FAT4: variants seen among roughly 807,000 people sequenced by gnomAD.
FAT4 encodes FAT atypical cadherin 4.
A neutral mutation model predicts 303.9 loss-of-function variants in FAT4; 84 were observed. The ratio of observed to expected loss-of-function variants is 0.28; its 90% CI spans 0.23 to 0.33. The LOEUF is 0.33. FAT4 is among the 10% of genes least tolerant of loss of function. FAT4 has a pLI of 1.00. For missense variants in FAT4, 6,005 were observed against 6,146.8 expected (o/e 0.98, Z 0.77); for synonymous variants, 2,307 against 2,298.8 (o/e 1.00, Z -0.10).
intron 2 of FAT4, among the ~76,000 whole-genome samples, chr4:125,373,942 A>T (rs1578571725): frequency 2.0e-5 from 3 of 152,352 alleles, no homozygotes; most frequent in Admixed American, 2.0e-4. Context: ...TGTATATATG[A>T]TTTCAGACGA....
In FAT4 at chr4:125,404,506, G is replaced by T. The variant is rs146164189; in HGVS notation, c.5308-2374G>T. On this transcript the variant is annotated intron_variant, in intron 3 of 17. Coordinates refer to ENST00000394329, the MANE Select transcript of FAT4 (RefSeq NM_001291303.3). ...AACACACTGTTCAACAGTAAGCCAAGTCCATGAATAGTGAATGACTGTAAA... is the reference window on the plus strand; with the variant it reads ...AACACACTGTTCAACAGTAAGCCAATTCCATGAATAGTGAATGACTGTAAA... Among the ~76,000 whole-genome samples the T allele has an allele frequency of 4.3e-3, 653 of 152,216 alleles. 1 individual carries two copies. Among genetic ancestry groups the T allele is most frequent in the Non-Finnish European group, 6.9e-3 (472 of 68,010 alleles).
At chr4:125,373,123 T>C (rs1388917661) in intron 2 of FAT4, among the ~76,000 whole-genome samples, 1 of 152,182 alleles carries the variant, frequency 6.6e-6, no homozygotes, top group Non-Finnish European at 1.5e-5. Flanking sequence ...ATCATTGAAC[T>C]CCTTTCTTTC....
In FAT4 at chr4:125,487,349, A is replaced by G; in HGVS notation, c.12827A>G (p.Lys4276Arg). ...ESSNYTTVKI[K>R]NGKVYFTSDA... ...TATTTTTAATATGTTTTACAGATTAAGAATGGCAAAGTATATTTTACATCC... is the reference window on the plus strand; with the variant it reads ...TATTTTTAATATGTTTTACAGATTAGGAATGGCAAAGTATATTTTACATCC... The change falls in exon 17 of 18, where the codon AAG (lysine) becomes AGG (arginine). Residue 4276 changes from lysine (K) to arginine (R), a missense_variant. Transcript: ENST00000394329. 6.2e-7 allele frequency: 1 copy of G among 1,610,190 alleles called. No individual in the cohort carries two copies. Among genetic ancestry groups the G allele is most frequent in the South Asian group, 1.1e-5 (1 of 90,818 alleles).
chr4:125,362,403 T>C (rs1368180562), intron 2 of FAT4, among the ~76,000 whole-genome samples: 4 of 152,128 alleles, frequency 2.6e-5, no homozygotes, highest in Non-Finnish European at 5.9e-5. Context: ...GTTGAAATTA[T>C]AGGTAGAGCT....
At position 125,481,714 on chromosome 4, in the gene FAT4, A is replaced by G. The variant is rs1351386159; in HGVS notation, c.12798A>G (p.Glu4266=). 6.2e-7 allele frequency: 1 copy of G among 1,614,022 alleles called. No homozygotes were observed. The highest frequency in any genetic ancestry group is 8.5e-7 in the Non-Finnish European group (1 of 1,179,884). ...ATGGCGTTTTAATCCATATCCAAGA[A>G]AGCAGCAATTACACTACTGTGAAGG... ...SENGVLIHIQ[E]SSNYTTVKIK... is the part of the protein sequence containing the mutation. The change falls in exon 16 of 18, where the codon GAA becomes GAG. Residue 4266 remains glutamate, a synonymous_variant. Coordinates refer to ENST00000394329, the MANE Select transcript of FAT4 (RefSeq NM_001291303.3).
chr4:125,435,639 G>A (rs2126045240), intron 8 of FAT4, among the ~76,000 whole-genome samples: 1 of 152,286 alleles, frequency 6.6e-6, no homozygotes, highest in African/African-American at 2.4e-5. Flanking sequence ...GCTATGGAAT[G>A]GAATTAATCT....
chr4:125,372,248 G>A (rs994569421), intron 2 of FAT4, among the ~76,000 whole-genome samples: 3 of 151,870 alleles, frequency 2.0e-5, no homozygotes, highest in African/African-American at 7.3e-5. Context: ...TGCAGTTCCA[G>A]CTAATCAGGA....
intron 3 of FAT4, among the ~76,000 whole-genome samples, chr4:125,400,570 C>T (rs566295917): frequency 1.3e-5 from 2 of 151,996 alleles, no homozygotes; most frequent in South Asian, 4.2e-4. Flanking sequence ...ACTTGCATTG[C>T]CTCCAAGTTC....
At chr4:125,436,386 T>C (rs1266833363) in intron 8 of FAT4, among the ~76,000 whole-genome samples, 3 of 152,162 alleles carry the variant, frequency 2.0e-5, no homozygotes, top group Non-Finnish European at 4.4e-5. Flanking sequence ...TGACTGTTAC[T>C]CATTCATTTA....
At position 125,490,586 on chromosome 4, in the gene FAT4, C is replaced by T. The variant is rs1727591980; in HGVS notation, c.13770C>T (p.Asn4590=). Residue 4590 remains asparagine, a synonymous_variant, in exon 18 of 18, where the codon AAC becomes AAT. Transcript: ENST00000394329. The stretch of plus-strand genomic sequence containing the variant: ...AACCAGATATCATTGAAAGGGAAAA[C>T]CCCTACCTTATCTATGATGAAACTG... ...NPKPDIIERE[N]PYLIYDETDI... is the part of the protein sequence containing the mutation. 5.0e-6 allele frequency: 8 copies of T among 1,614,090 alleles called. No homozygotes were observed. The highest frequency in any genetic ancestry group is 6.8e-6 in the Non-Finnish European group (8 of 1,180,020).
chr4:125,316,584 G>A lies in FAT4; in HGVS notation c.173G>A (p.Gly58Asp). 1 of 1,613,974 alleles carries A rather than the reference G, an allele frequency of 6.2e-7. No individual in the cohort carries two copies. The highest frequency in any genetic ancestry group is 1.1e-5 in the South Asian group (1 of 91,082). Residue 58 changes from glycine (G) to aspartate (D), a missense_variant, in exon 2 of 18, where the codon GGC (glycine) becomes GAC (aspartate). Transcript: ENST00000394329. The surrounding 1 kb of genome is among the most constrained non-coding windows in gnomAD (Gnocchi z 5.7). ...CAAGTGCTGGAAGAGCAACCTCCAG[G>A]CACTCTGGTAGGCACCATCCAGACG... ...VFQVLEEQPP[G>D]TLVGTIQTRP...
At chr4:125,454,377 CAT>C (rs1726205621) in intron 10 of FAT4, among the ~76,000 whole-genome samples, 1 of 152,246 alleles carries the variant, frequency 6.6e-6, no homozygotes, top group African/African-American at 2.4e-5. Context: ...TGGCAGAAAA[CAT>C]GTGTAATAGA....
chr4:125,446,432 C>A lies in FAT4; in HGVS notation c.7339C>A (p.Pro2447Thr). ...CTGCAGTGATGCGGGATCCCCAGAG[C>A]CTCTTTCCAGTTCCACCAGTGTGCT... ...VVCSDAGSPEPLSSSTSVLVT... is the reference protein window; with the variant it reads ...VVCSDAGSPETLSSSTSVLVT... The change falls in exon 9 of 18, where the codon CCT becomes ACT. Residue 2447 changes from proline to threonine, a missense_variant. Pro to Thr is a conservative substitution (Grantham distance 38). Coordinates refer to ENST00000394329, the MANE Select transcript of FAT4 (RefSeq NM_001291303.3). 6.2e-7 allele frequency: 1 copy of A among 1,613,510 alleles called. No homozygotes were observed. Among genetic ancestry groups the A allele is most frequent in the Non-Finnish European group, 8.5e-7 (1 of 1,179,604 alleles).
Position 125,408,596 on chromosome 4 carries a change from G to C in FAT4, c.5722G>C (p.Val1908Leu). Reference sequence around the variant, plus strand: ...TTTGACTCGATTATTAGATTATGAAGTACAGCAATATTATATCCTCACTGT... The same window carrying C: ...TTTGACTCGATTATTAGATTATGAACTACAGCAATATTATATCCTCACTGT... ...FNLTRLLDYE[V>L]QQYYILTVRA... Residue 1908 changes from valine (V) to leucine (L), a missense_variant, in exon 5 of 18, where the codon GTA becomes CTA. Coordinates refer to ENST00000394329, the MANE Select transcript of FAT4 (RefSeq NM_001291303.3). 2 of 1,612,882 alleles carry C rather than the reference G, an allele frequency of 1.2e-6. No homozygotes were observed. Among genetic ancestry groups the C allele is most frequent in the Middle Eastern group, 1.7e-4 (1 of 6,052 alleles).
chr4:125,414,922 G>C lies in FAT4; in HGVS notation c.5959G>C (p.Asp1987His). 1.2e-6 allele frequency: 2 copies of C among 1,609,684 alleles called. No individual in the cohort carries two copies. The highest frequency in any genetic ancestry group is 1.7e-6 in the Non-Finnish European group (2 of 1,176,522). ...ATTGACTTATAGCATTGCTTCAGGT[G>C]ATAGCCTTGGGCAGTTTACTGTTGA... is the stretch of plus-strand genomic sequence containing the variant. ...SQLTYSIASG[D>H]SLGQFTVDKN... Residue 1987 changes from aspartate (D) to histidine (H), a missense_variant, in exon 6 of 18, where the codon GAT (aspartate) becomes CAT (histidine). By Grantham distance (81) the Asp-to-His change is moderately conservative. Coordinates refer to ENST00000394329, the MANE Select transcript of FAT4 (RefSeq NM_001291303.3).
At position 125,366,803 on chromosome 4, in the gene FAT4, G is replaced by C. The variant is rs182132429; in HGVS notation, c.5176-31981G>C. ...TTAGTAATAGCCATTCTGCTTGTAT[G>C]AGATGGTATCTCATTGTGGTTTTGA... On this transcript the variant is annotated intron_variant, in intron 2 of 17. Transcript: ENST00000394329. Among the ~76,000 whole-genome samples the C allele has an allele frequency of 2.7e-3, 405 of 152,032 alleles. 2 individuals carry two copies. The highest frequency in any genetic ancestry group is 4.9e-3 in the Non-Finnish European group (330 of 67,980).
chr4:125,320,119 T>G lies in FAT4; in HGVS notation c.3708T>G (p.Asp1236Glu), dbSNP rs1223564463. 1 of 1,614,056 alleles carries G rather than the reference T, an allele frequency of 6.2e-7. No homozygotes were observed. Among genetic ancestry groups the G allele is most frequent in the Non-Finnish European group, 8.5e-7 (1 of 1,179,968 alleles). The change falls in exon 2 of 18, where the codon GAT (aspartate) becomes GAG (glutamate). Residue 1236 changes from aspartate (D) to glutamate (E), a missense_variant. Physicochemically the swap from Asp to Glu is conservative, Grantham distance 45. Coordinates refer to ENST00000394329, the MANE Select transcript of FAT4 (RefSeq NM_001291303.3). Reference sequence around the variant, plus strand: ...AAGTGTTAAGAGTATCTGCCTCAGATGTTGATGAAGGTAATAATGGACTTA... The same window carrying G: ...AAGTGTTAAGAGTATCTGCCTCAGAGGTTGATGAAGGTAATAATGGACTTA... ...LTQVLRVSAS[D>E]VDEGNNGLIH...
At position 125,452,770 on chromosome 4, in the gene FAT4, T is replaced by C; in HGVS notation, c.11760T>C (p.Phe3920=). Reference sequence around the variant, plus strand: ...AGAATGGTGCCATCTGCCAGAATTTTCCAGGAAGCTTCAACTGTGTTTGCA... The same window carrying C: ...AGAATGGTGCCATCTGCCAGAATTTCCCAGGAAGCTTCAACTGTGTTTGCA... The part of the protein sequence containing the change: ...PCKNGAICQN[F]PGSFNCVCKT... Residue 3920 remains phenylalanine, a synonymous_variant, in exon 10 of 18, where the codon TTT becomes TTC. Coordinates refer to ENST00000394329, the MANE Select transcript of FAT4 (RefSeq NM_001291303.3). The C allele has an allele frequency of 6.2e-7, 1 of 1,613,756 alleles. No individual in the cohort carries two copies. Among genetic ancestry groups the C allele is most frequent in the Non-Finnish European group, 8.5e-7 (1 of 1,179,846 alleles).
intron 2 of FAT4, among the ~76,000 whole-genome samples, chr4:125,379,493 T>C (rs1386504475): frequency 1.3e-5 from 2 of 152,184 alleles, no homozygotes; most frequent in Admixed American, 6.6e-5. Flanking sequence ...GGAGTCTTGC[T>C]CTGTCACCCA....
Sources: gnomAD v4.1 joint callset for allele counts (sites outside exome capture counted in the v4.1 genomes callset) on GRCh38, gnomAD v4.1.1 for gene constraint, Gnocchi (gnomAD v3.1) non-coding constraint, MANE v1.5 for transcripts, NCBI Gene and HGNC (gene_info 2026-07-23, HGNC 2026-07-21) for gene names.